The following N4BP2 variants were observed in gnomAD, a reference collection of about 807,000 sequenced individuals.
The protein encoded by N4BP2 is NEDD4 binding protein 2.
A neutral mutation model predicts 152.8 loss-of-function variants in N4BP2; 91 were observed. That is an observed-to-expected ratio of 0.60 (90% CI 0.50 to 0.71). N4BP2 has a LOEUF of 0.71. N4BP2 is among the 30% of genes least tolerant of loss of function. The probability of loss-of-function intolerance (pLI) is 0.00; values close to 1 mark genes in which losing one functional copy is unlikely to be tolerated. For missense variants in N4BP2, 1,923 were observed against 2,059.1 expected (o/e 0.93, Z 1.28); for synonymous variants, 646 against 705.3 (o/e 0.92, Z 1.33).
chr4:40,102,177 CA>C lies in N4BP2; in HGVS notation c.333del (p.Ala112GlnfsTer5). The C allele has an allele frequency of 6.2e-7, 1 of 1,613,772 alleles. No homozygotes were observed. Among genetic ancestry groups the C allele is most frequent in the Non-Finnish European group, 8.5e-7 (1 of 1,179,836 alleles). On this transcript the variant is annotated frameshift_variant, in exon 4 of 18. Transcript: ENST00000261435. LOFTEE classifies it high-confidence loss of function. ...SFVASENQVG[A>X]AESKIMEKRP... The stretch of plus-strand genomic sequence containing the variant: ...GTTGCTTCTGAGAACCAAGTAGGTG[CA>C]GCAGAAAGTAAAATAATGGAAAAAC...
rs368147776 is a variant in N4BP2 at position 40,102,616 on chromosome 4, A to T, written c.771A>T (p.Ala257=). The T allele has an allele frequency of 6.2e-6, 10 of 1,614,194 alleles. No individual in the cohort carries two copies. In the East Asian group the frequency reaches 2.2e-4, roughly 36 times the overall value. Residue 257 remains alanine (A), a synonymous_variant, in exon 4 of 18, where the codon GCA becomes GCT. Transcript: ENST00000261435. ...SSLNVASDSI[A]GCSSLNQKQK... is the part of the protein sequence containing the mutation. ...TAAATGTAGCAAGTGACTCCATCGC[A>T]GGTTGTAGCAGTCTCAATCAAAAAC...
chr4:40,067,700 T>C (rs1280699971), intron 1 of N4BP2, among the ~76,000 whole-genome samples: 1 of 152,140 alleles, frequency 6.6e-6, no homozygotes, highest in Non-Finnish European at 1.5e-5. Flanking sequence ...TTTTTATTTT[T>C]TATTTTTTTA....
At chr4:40,088,752 G>T (rs1463483769) in intron 2 of N4BP2, among the ~76,000 whole-genome samples, 1 of 152,000 alleles carries the variant, frequency 6.6e-6, no homozygotes, top group Non-Finnish European at 1.5e-5. Context: ...TGCCCGCCTT[G>T]GCCTCCCAAA....
the N4BP2 span, among the ~76,000 whole-genome samples, chr4:40,177,564 TGAG>T: frequency 4.6e-5 from 7 of 151,874 alleles, no homozygotes; most frequent in African/African-American, 1.7e-4. Context: ...TGCAGTGAGC[TGAG>T]ATCAAGCCAC....
chr4:40,146,741 A>G (rs1720554023), intron 16 of N4BP2, among the ~76,000 whole-genome samples: 1 of 152,114 alleles, frequency 6.6e-6, no homozygotes, highest in African/African-American at 2.4e-5. Flanking sequence ...AAATATTATT[A>G]CCATGCTACA....
At chr4:40,065,836 G>A (rs1460259710) in intron 1 of N4BP2, among the ~76,000 whole-genome samples, 1 of 152,004 alleles carries the variant, frequency 6.6e-6, no homozygotes, top group Non-Finnish European at 1.5e-5. Context: ...GTGGTTGACC[G>A]GGGGCATGGA....
Position 40,102,875 on chromosome 4 carries a change from T to C in N4BP2, c.1030T>C (p.Cys344Arg). 3 of 1,614,226 alleles carry C rather than the reference T, an allele frequency of 1.9e-6. No individual in the cohort carries two copies. Among genetic ancestry groups the C allele is most frequent in the South Asian group, 2.2e-5 (2 of 91,088 alleles). The stretch of plus-strand genomic sequence containing the variant: ...AACTAAGGGGAAGGATGTGAGTTAC[T>C]GCCCGGTACTTGCTCCTCTCCCATT... ...LPTKGKDVSY[C>R]PVLAPLPLLL... is the part of the protein sequence containing the mutation. The change falls in exon 4 of 18, where the codon TGC becomes CGC. Residue 344 changes from cysteine to arginine, a missense_variant. Cys to Arg is a radical substitution (Grantham distance 180). Transcript: ENST00000261435.
chr4:40,077,322 A>G (rs1221573036), intron 2 of N4BP2, among the ~76,000 whole-genome samples: 3 of 150,810 alleles, frequency 2.0e-5, no homozygotes, highest in Admixed American at 6.6e-5. Flanking sequence ...TGTTTTTTGT[A>G]TTTTTAGTGG....
At chr4:40,144,145 G>A (rs116808913) in intron 15 of N4BP2, among the ~76,000 whole-genome samples, 1,571 of 152,166 alleles carry the variant, frequency 0.01, 17 homozygotes, top group Non-Finnish European at 0.017. Context: ...GGCAGGAGGA[G>A]AACATCTGCC....
At chr4:40,080,350 A>G (rs984268970) in intron 2 of N4BP2, among the ~76,000 whole-genome samples, 4 of 150,404 alleles carry the variant, frequency 2.7e-5, no homozygotes, top group Non-Finnish European at 5.9e-5. Flanking sequence ...ATATGTATAT[A>G]TATAATTTTT....
chr4:40,139,700 C>T (rs1416392750), intron 14 of N4BP2, among the ~76,000 whole-genome samples: 1 of 151,496 alleles, frequency 6.6e-6, no homozygotes, highest in Non-Finnish European at 1.5e-5. Context: ...ACTGTCTTGG[C>T]CAAGCTGGTC....
chr4:40,062,360 A>G (rs766685074), intron 1 of N4BP2, among the ~76,000 whole-genome samples: 2 of 151,440 alleles, frequency 1.3e-5, no homozygotes, highest in Non-Finnish European at 1.5e-5. Flanking sequence ...CCTTTTCCCT[A>G]TCCTCGCTGC....
At chr4:40,111,133 A>C (rs1415184446) in intron 5 of N4BP2, among the ~76,000 whole-genome samples, 1 of 152,128 alleles carries the variant, frequency 6.6e-6, no homozygotes, top group Non-Finnish European at 1.5e-5. Context: ...TATATGGAAA[A>C]GTTGCAGAGA....
chr4:40,087,279 T>G (rs1190485993), intron 2 of N4BP2, among the ~76,000 whole-genome samples: 1 of 152,038 alleles, frequency 6.6e-6, no homozygotes, highest in Non-Finnish European at 1.5e-5. Flanking sequence ...AAAAAAAATT[T>G]TTTTTAAAGG....
Position 40,120,043 on chromosome 4 carries a change from A to G in N4BP2, c.1932A>G (p.Thr644=). The part of the protein sequence containing the change: ...EEKNLDVTKE[T]MLPENVAYLS... Reference sequence around the variant, plus strand: ...AGAATCTTGATGTAACCAAAGAAACAATGTTACCTGAGAATGTTGCATATC... The same window carrying G: ...AGAATCTTGATGTAACCAAAGAAACGATGTTACCTGAGAATGTTGCATATC... The change falls in exon 9 of 18, where the codon ACA becomes ACG. Residue 644 remains threonine, a synonymous_variant. Coordinates refer to ENST00000261435, the MANE Select transcript of N4BP2 (RefSeq NM_018177.6). 1 of 1,606,584 alleles carries G rather than the reference A, an allele frequency of 6.2e-7. No individual in the cohort carries two copies.
chr4:40,059,055 A>G (rs1733449003), intron 1 of N4BP2, among the ~76,000 whole-genome samples: 1 of 152,038 alleles, frequency 6.6e-6, no homozygotes, highest in South Asian at 2.1e-4. Flanking sequence ...CCCTGAGCTC[A>G]AGCAATCCAA....
chr4:40,176,927 T>A, the N4BP2 span, among the ~76,000 whole-genome samples: 2 of 152,200 alleles, frequency 1.3e-5, no homozygotes, highest in Admixed American at 1.3e-4. Flanking sequence ...TTTCCCCCGC[T>A]TTTTTCCCTT....
At chr4:40,086,397 G>T (rs1192171037) in intron 2 of N4BP2, among the ~76,000 whole-genome samples, 2 of 151,770 alleles carry the variant, frequency 1.3e-5, no homozygotes, top group Non-Finnish European at 2.9e-5. Context: ...GAGTGCAGTG[G>T]CATGATGTTG....
the N4BP2 span, among the ~76,000 whole-genome samples, chr4:40,181,412 G>A: frequency 6.6e-6 from 1 of 152,104 alleles, no homozygotes; most frequent in African/African-American, 2.4e-5. Context: ...TATCAATTAG[G>A]ATTAGATTAA....
Sources: allele counts gnomAD v4.1 joint callset (sites outside exome capture counted in the v4.1 genomes callset), GRCh38; gene constraint gnomAD v4.1.1; transcripts MANE v1.5; gene names NCBI Gene and HGNC (gene_info 2026-07-23, HGNC 2026-07-21).